Variants in AKT1 observed in about 807,000 individuals in gnomAD.
The protein encoded by AKT1 is RAC-alpha serine/threonine-protein kinase.
A neutral mutation model predicts 63.1 loss-of-function variants in AKT1; 21 were observed. That is an observed-to-expected ratio of 0.33 (90% CI 0.24 to 0.48). The LOEUF is 0.48. AKT1 is among the 20% of genes least tolerant of loss of function. The pLI, the probability that AKT1 is intolerant of heterozygous loss-of-function variation, is 0.99. For missense variants in AKT1, 382 were observed against 666.0 expected, an observed-to-expected ratio of 0.57 and a Z score of 4.69; for synonymous variants, 257 against 253.1, an observed-to-expected ratio of 1.02 and a Z score of -0.15.
At chr14:104,773,781 C>T in intron 9 of AKT1, 131 bp downstream of exon 9, 1 of 1,196,544 alleles carries the variant, frequency 8.4e-7, no homozygotes. Context: ...CCTGGGCAGG[C>T]ATCACACCAC....
intron 2 of AKT1, 43 bp from the exon 3 acceptor site, chr14:104,792,765 T>TAAGGGCAGCTCCTCGCC (rs1893694424): frequency 2.4e-6 from 3 of 1,251,872 alleles, no homozygotes; most frequent in African/African-American, 2.9e-5. Flanking sequence ...CACGCCTGGC[T>TAAGGGCAGCTCCTCGCC]AAGGGCAGCT....
At chr14:104,777,756 C>A in intron 4 of AKT1, 1 of 985,514 alleles carries the variant, frequency 1.0e-6, no homozygotes, top group Middle Eastern at 5.2e-4. Context: ...CATCGAGGCC[C>A]TGGCAACCAC....
At chr14:104,775,959 C>T (rs561699894) in intron 5 of AKT1, 160 bp from the exon 6 acceptor site, 5 of 784,512 alleles carry the variant, frequency 6.4e-6, no homozygotes, top group South Asian at 5.6e-5. Context: ...TGGCCACATA[C>T]ACTCAGGGTC....
chr14:104,775,396 C>T (rs926087105), intron 6 of AKT1, 189 bp from the exon 7 acceptor site: 11 of 1,187,316 alleles, frequency 9.3e-6, no homozygotes, highest in Non-Finnish European at 1.2e-5. Flanking sequence ...GCGGCCCCAG[C>T]TCAGAGCATG....
chr14:104,787,101 C>T (rs903832640), intron 3 of AKT1, among the ~76,000 whole-genome samples: 38 of 152,254 alleles, frequency 2.5e-4, no homozygotes, highest in African/African-American at 8.7e-4. Context: ...AGGATCCCAC[C>T]CCAAAGCCCG....
chr14:104,773,171 G>C, intron 11 of AKT1, 79 bp from the exon 12 acceptor site: 1 of 1,609,982 alleles, frequency 6.2e-7, no homozygotes, highest in South Asian at 1.1e-5. Context: ...ACGTGCTTGG[G>C]GCACAGAGAG....
intron 3 of AKT1, among the ~76,000 whole-genome samples, chr14:104,783,821 C>G (rs575387152): frequency 9.9e-5 from 15 of 152,206 alleles, no homozygotes; most frequent in Non-Finnish European, 2.1e-4. Context: ...GTTTCAGACC[C>G]GGGACCTGGA....
At chr14:104,780,274 G>A (rs1892959307) in intron 3 of AKT1, 58 bp from the exon 4 acceptor site, 1 of 1,589,778 alleles carries the variant, frequency 6.3e-7, no homozygotes, top group Non-Finnish European at 8.6e-7. Flanking sequence ...CCCTCGCCAG[G>A]CAGCCAGGCA....
intron 3 of AKT1, among the ~76,000 whole-genome samples, chr14:104,785,089 C>A (rs61759787): frequency 4.6e-5 from 7 of 152,320 alleles, no homozygotes; most frequent in East Asian, 1.9e-4. Context: ...CAGCGGCCAC[C>A]GTGGTCCCCA....
intron 4 of AKT1, among the ~76,000 whole-genome samples, chr14:104,778,856 G>C (rs1892871616): frequency 6.6e-6 from 1 of 152,206 alleles, no homozygotes; most frequent in African/African-American, 2.4e-5. Context: ...CATGGGGATG[G>C]AACCTAAGGC....
chr14:104,788,584 G>A (rs571200667), intron 3 of AKT1, among the ~76,000 whole-genome samples: 1 of 152,338 alleles, frequency 6.6e-6, no homozygotes, highest in South Asian at 2.1e-4. Context: ...TGGCTGAGCA[G>A]CAGCTGGGGA....
chr14:104,789,773 A>C (rs1893529852), intron 3 of AKT1, among the ~76,000 whole-genome samples: 1 of 152,056 alleles, frequency 6.6e-6, no homozygotes, highest in South Asian at 2.1e-4. Flanking sequence ...CAGCCTCCTC[A>C]CTAGCTCCTG....
intron 3 of AKT1, among the ~76,000 whole-genome samples, chr14:104,788,613 C>A (rs186526499): frequency 6.6e-6 from 1 of 152,186 alleles, no homozygotes; most frequent in Non-Finnish European, 1.5e-5. Flanking sequence ...GGTTCTATGT[C>A]GCTCACCAAA....
chr14:104,794,695 A>C (rs1157244361), intron 1 of AKT1, among the ~76,000 whole-genome samples: 1 of 152,220 alleles, frequency 6.6e-6, no homozygotes, highest in African/African-American at 2.4e-5. Flanking sequence ...TGAGGGACTC[A>C]AAGCAGTCAA....
intron 1 of AKT1, chr14:104,794,089 A>T (rs1342018286): frequency 2.6e-5 from 4 of 152,366 alleles, no homozygotes; most frequent in Non-Finnish European, 5.9e-5. Flanking sequence ...CCTTGTGTCT[A>T]ATGCCAGGAC....
Position 104,795,634 on chromosome 14 carries a change from C to A in AKT1, c.-408G>T, listed in dbSNP as rs1295875078. On this transcript the variant is annotated 5_prime_UTR_variant, in exon 1 of 15. Coordinates refer to ENST00000649815, the MANE Select transcript of AKT1 (RefSeq NM_001382430.1). This position sits in a 1 kb window ranked among gnomAD's most constrained non-coding sequence, Gnocchi z 5.1. ...CTGCTCGGGGCCGGGCCTCGCGTGC[C>A]GCCGCCGCTCGGTGCCCGGTGCCCA... The A allele has an allele frequency of 6.9e-6, 1 of 145,862 alleles. No homozygotes were observed. Among genetic ancestry groups the A allele is most frequent in the East Asian group, 2.0e-4 (1 of 5,020 alleles). 9.0% of individuals were successfully genotyped at this position (145,862 alleles called of 1,614,324 possible).
At chr14:104,785,042 G>A (rs1438252723) in intron 3 of AKT1, among the ~76,000 whole-genome samples, 1 of 152,242 alleles carries the variant, frequency 6.6e-6, no homozygotes, top group Non-Finnish European at 1.5e-5. Context: ...CCACAGCAAA[G>A]TGAGCCCAGC....
chr14:104,787,330 G>C (rs945467226), intron 3 of AKT1, among the ~76,000 whole-genome samples: 4 of 152,090 alleles, frequency 2.6e-5, no homozygotes, highest in African/African-American at 9.7e-5. Context: ...CAACCTGCCC[G>C]GGGCCCCAGC....
At chr14:104,794,709 G>A (rs1409979542) in intron 1 of AKT1, among the ~76,000 whole-genome samples, 2 of 152,226 alleles carry the variant, frequency 1.3e-5, no homozygotes, top group Non-Finnish European at 2.9e-5. Context: ...CAGTCAAGAA[G>A]TGGCCACCTG....
Sources: allele counts gnomAD v4.1 joint callset (sites outside exome capture counted in the v4.1 genomes callset), GRCh38; gene constraint gnomAD v4.1.1; non-coding constraint Gnocchi (gnomAD v3.1); transcripts MANE v1.5; gene names NCBI Gene and HGNC (gene_info 2026-07-23, HGNC 2026-07-21).